SYT1: variants seen among roughly 807,000 people sequenced by gnomAD.
SYT1 encodes the protein synaptotagmin-1.
A neutral mutation model predicts 44.8 loss-of-function variants in SYT1; 8 were observed. The ratio of observed to expected loss-of-function variants is 0.18; its 90% CI spans 0.10 to 0.32. The LOEUF (loss-of-function observed/expected upper bound fraction) is 0.32, where lower values mean the gene tolerates loss of function less well. Ranked by LOEUF, SYT1 falls within the 10% of genes least tolerant of loss-of-function variation. The pLI is 1.00. For synonymous variants in SYT1, 154 were observed against 188.8 expected (o/e 0.82, Z 1.51); for missense variants, 286 against 509.3 (o/e 0.56, Z 4.22).
At chr12:79,114,359 T>G (rs1459351166) in intron 3 of SYT1, among the ~76,000 whole-genome samples, 1 of 152,146 alleles carries the variant, frequency 6.6e-6, no homozygotes, top group Non-Finnish European at 1.5e-5. Flanking sequence ...AAGCAAACCC[T>G]GGTACATGTA....
intron 1 of SYT1, among the ~76,000 whole-genome samples, chr12:78,974,638 A>G (rs1376430869): frequency 1.3e-5 from 2 of 151,808 alleles, no homozygotes; most frequent in African/African-American, 2.4e-5. Context: ...GGGTTTCACC[A>G]TGTTAGCCAG....
chr12:78,916,030 C>G (rs1876632067), intron 1 of SYT1, among the ~76,000 whole-genome samples: 1 of 151,834 alleles, frequency 6.6e-6, no homozygotes, highest in South Asian at 2.1e-4. Context: ...GTTTTTGTAC[C>G]TAAATGAAAT....
chr12:79,299,533 A>G lies in SYT1; in HGVS notation c.792A>G (p.Gln264=), dbSNP rs1290580907. The change falls in exon 8 of 11, where the codon CAA becomes CAG. Residue 264 remains glutamine (Q), a synonymous_variant. Transcript: ENST00000261205. ...GHVTEEWRDL[Q]SAEKEEQEKL... ...TAACTGAGGAATGGCGTGACCTGCA[A>G]AGTGCTGAGAAGGAAGAGGTAAGGG... 2 of 1,612,838 alleles carry G rather than the reference A, an allele frequency of 1.2e-6. No individual in the cohort carries two copies. Among genetic ancestry groups the G allele is most frequent in the Admixed American group, 1.7e-5 (1 of 59,846 alleles).
At chr12:78,969,162 A>G (rs1213215587) in intron 1 of SYT1, among the ~76,000 whole-genome samples, 1 of 152,200 alleles carries the variant, frequency 6.6e-6, no homozygotes, top group Non-Finnish European at 1.5e-5. Flanking sequence ...TGTATTAGGT[A>G]TTATAAGTAA....
At chr12:79,036,469 T>C (rs1165023846) in intron 2 of SYT1, 1 of 151,802 alleles carries the variant, frequency 6.6e-6, no homozygotes, top group Non-Finnish European at 1.5e-5. Context: ...TAAAAGAATG[T>C]TTACATAAAC....
At chr12:79,020,434 C>A (rs888796291) in intron 2 of SYT1, among the ~76,000 whole-genome samples, 7 of 151,850 alleles carry the variant, frequency 4.6e-5, no homozygotes, top group Non-Finnish European at 7.4e-5. Context: ...CTCCTCCTCT[C>A]TGAAAAAGAA....
intron 2 of SYT1, among the ~76,000 whole-genome samples, chr12:79,042,790 G>A (rs1174390438): frequency 6.7e-6 from 1 of 150,260 alleles, no homozygotes; most frequent in Non-Finnish European, 1.5e-5. Flanking sequence ...TCTACACACT[G>A]CTTTGAATGT....
intron 7 of SYT1, among the ~76,000 whole-genome samples, chr12:79,297,187 G>T (rs1879916448): frequency 6.6e-6 from 1 of 152,052 alleles, no homozygotes; most frequent in Admixed American, 6.6e-5. Flanking sequence ...TAAAATTTCT[G>T]AGTTTTCAAG....
intron 3 of SYT1, among the ~76,000 whole-genome samples, chr12:79,108,031 C>G (rs894928670): frequency 1.6e-4 from 24 of 151,496 alleles, no homozygotes; most frequent in African/African-American, 5.6e-4. Context: ...AAGAACTTAA[C>G]ATAATCATAA....
At chr12:79,241,723 T>G (rs1876525612) in intron 4 of SYT1, among the ~76,000 whole-genome samples, 1 of 152,240 alleles carries the variant, frequency 6.6e-6, no homozygotes, top group Non-Finnish European at 1.5e-5. Flanking sequence ...GTAGATAATG[T>G]GTGCTGTGGG....
chr12:79,267,904 T>C (rs533702073), intron 4 of SYT1, among the ~76,000 whole-genome samples: 1 of 152,236 alleles, frequency 6.6e-6, no homozygotes, highest in African/African-American at 2.4e-5. Context: ...AAGATATAGA[T>C]GGCTTTGCCT....
At chr12:79,269,463 A>G (rs1307898678) in intron 4 of SYT1, among the ~76,000 whole-genome samples, 2 of 152,150 alleles carry the variant, frequency 1.3e-5, no homozygotes, top group South Asian at 4.1e-4. Flanking sequence ...CCACCTCTGC[A>G]TAAGTTCTCT....
intron 1 of SYT1, among the ~76,000 whole-genome samples, chr12:78,912,302 G>A (rs1255348244): frequency 6.6e-6 from 1 of 151,588 alleles, no homozygotes; most frequent in Non-Finnish European, 1.5e-5. Flanking sequence ...AATAGAAAAA[G>A]GAAATTATGA....
At chr12:79,156,431 GGTT>G (rs76121108) in intron 3 of SYT1, among the ~76,000 whole-genome samples, 10,117 of 151,770 alleles carry the variant, frequency 0.067, 364 homozygotes, top group African/African-American at 0.078. Context: ...TAATTGTTGT[GGTT>G]GTTGCTGCTG....
chr12:79,309,327 A>T (rs1257977638), intron 8 of SYT1, among the ~76,000 whole-genome samples: 1 of 152,120 alleles, frequency 6.6e-6, no homozygotes, highest in African/African-American at 2.4e-5. Context: ...ATATGATCCC[A>T]GTAGGGAATC....
chr12:79,131,117 CT>C (rs1340604236), intron 3 of SYT1, among the ~76,000 whole-genome samples: 311 of 138,620 alleles, frequency 2.2e-3, no homozygotes, highest in East Asian at 0.013. Context: ...TGTGTGTTTT[CT>C]TTTTTTTTTT....
chr12:79,299,390 T>C lies in SYT1; in HGVS notation c.649T>C (p.Tyr217His). 6.2e-7 allele frequency: 1 copy of C among 1,612,958 alleles called. No homozygotes were observed. The highest frequency in any genetic ancestry group is 8.5e-7 in the Non-Finnish European group (1 of 1,179,300). Residue 217 changes from tyrosine to histidine, a missense_variant, in exon 8 of 11, where the codon TAC (tyrosine) becomes CAC (histidine). This residue lies in a region of SYT1 where 81 missense variants were observed against 164.9 expected (regional missense o/e 0.49). Transcript: ENST00000261205. ...CTCATGTCTTTTAATTTAGGTACCA[T>C]ACTCGGAATTGGGTGGCAAAACCCT... ...FNEQFTFKVP[Y>H]SELGGKTLVM...
At chr12:79,352,664 T>C (rs1328649120) in intron 8 of SYT1, among the ~76,000 whole-genome samples, 1 of 152,008 alleles carries the variant, frequency 6.6e-6, no homozygotes, top group Non-Finnish European at 1.5e-5. Context: ...AATAAAACAC[T>C]TAAGGCAGGA....
rs368415949 is a variant in SYT1 at position 78,946,061 on chromosome 12, A to C, written c.-216-31738A>C. Among the ~76,000 whole-genome samples the C allele has an allele frequency of 1.1e-4, 16 of 152,336 alleles. 1 individual carries two copies. Among genetic ancestry groups the C allele is most frequent in the East Asian group, 5.8e-4 (3 of 5,190 alleles). ...ATGAGAAAATTTTAGGCTATAACAC[A>C]GTGATAATATTGCAGCTGATTAATA... On this transcript the variant is annotated intron_variant, in intron 1 of 10. Transcript: ENST00000261205.
Sources: allele counts gnomAD v4.1 joint callset (sites outside exome capture counted in the v4.1 genomes callset), GRCh38; gene constraint gnomAD v4.1.1; regional missense constraint gnomAD v4.1.1; transcripts MANE v1.5; gene names NCBI Gene and HGNC (gene_info 2026-07-23, HGNC 2026-07-21).